Variants in PCDH9 observed in about 807,000 individuals in gnomAD.
PCDH9 encodes protocadherin-9.
A neutral mutation model predicts 70.6 loss-of-function variants in PCDH9; 24 were observed. The observed-to-expected ratio is 0.34, with a 90% confidence interval of 0.25 to 0.48. PCDH9 has a LOEUF of 0.48. Among genes scored for constraint, PCDH9 ranks in the 20% least tolerant of loss-of-function variants. PCDH9 has a pLI of 0.99. For missense variants in PCDH9, 1,281 were observed against 1,503.6 expected, an observed-to-expected ratio of 0.85 and a Z score of 2.45; for synonymous variants, 562 against 558.5, an observed-to-expected ratio of 1.01 and a Z score of -0.09.
chr13:67,105,451 T>A (rs1325846086), intron 2 of PCDH9, among the ~76,000 whole-genome samples: 1 of 152,116 alleles, frequency 6.6e-6, no homozygotes, highest in Non-Finnish European at 1.5e-5. Flanking sequence ...GGGTTATTCA[T>A]AGGAAAGTCC....
intron 4 of PCDH9, among the ~76,000 whole-genome samples, chr13:66,522,879 T>G (rs1309939096): frequency 6.6e-6 from 1 of 152,064 alleles, no homozygotes; most frequent in East Asian, 1.9e-4. Flanking sequence ...TGTTGTTTTT[T>G]TAACGTCACC....
chr13:66,666,915 T>C (rs981607219), intron 3 of PCDH9, among the ~76,000 whole-genome samples: 6 of 152,182 alleles, frequency 3.9e-5, no homozygotes. Context: ...ACCCTCCTCC[T>C]CTTTTATATT....
chr13:66,374,019 T>C (rs1179836978), intron 4 of PCDH9, among the ~76,000 whole-genome samples: 2 of 152,090 alleles, frequency 1.3e-5, no homozygotes, highest in African/African-American at 4.8e-5. Flanking sequence ...CCTTGATGGG[T>C]TTTGTGTAAA....
chr13:66,969,120 T>G (rs2083476038), intron 2 of PCDH9, among the ~76,000 whole-genome samples: 1 of 152,034 alleles, frequency 6.6e-6, no homozygotes, highest in African/African-American at 2.4e-5. Flanking sequence ...GTCAATCAAT[T>G]TTTTCAAAAT....
At chr13:66,994,041 G>A (rs1480646552) in intron 2 of PCDH9, among the ~76,000 whole-genome samples, 1 of 152,094 alleles carries the variant, frequency 6.6e-6, no homozygotes, top group Non-Finnish European at 1.5e-5. Flanking sequence ...CACTGATGTA[G>A]CCTAGTAATG....
At chr13:66,541,839 T>A (rs2138659049) in intron 4 of PCDH9, among the ~76,000 whole-genome samples, 1 of 152,308 alleles carries the variant, frequency 6.6e-6, no homozygotes, top group East Asian at 1.9e-4. Flanking sequence ...GAAAGAATTC[T>A]GAAAATGTGC....
At chr13:66,565,738 T>A (rs1350299639) in intron 4 of PCDH9, among the ~76,000 whole-genome samples, 3 of 152,152 alleles carry the variant, frequency 2.0e-5, no homozygotes, top group Non-Finnish European at 4.4e-5. Context: ...CTTAAGGAAA[T>A]TTACAGATAT....
At position 67,041,841 on chromosome 13, in the gene PCDH9, A is replaced by G. The variant is rs891238040; in HGVS notation, c.3037-138236T>C. Among the ~76,000 whole-genome samples the G allele has an allele frequency of 3.5e-3, 532 of 151,880 alleles. 3 individuals carry two copies. Among genetic ancestry groups the G allele is most frequent in the African/African-American group, 0.012 (482 of 41,432 alleles). Reference sequence around the variant, plus strand: ...GTGAGACTCTGTCTCAAAAAAAAAAAAAAAAAGAAAAAAGAAATACTGGCT... The same window carrying G: ...GTGAGACTCTGTCTCAAAAAAAAAAGAAAAAAGAAAAAAGAAATACTGGCT... On this transcript the variant is annotated intron_variant, in intron 2 of 4. Transcript: ENST00000377865.
intron 2 of PCDH9, among the ~76,000 whole-genome samples, chr13:67,101,712 TA>T (rs1298578401): frequency 6.6e-6 from 1 of 151,812 alleles, no homozygotes; most frequent in Non-Finnish European, 1.5e-5. Flanking sequence ...TCAGAGTGAA[TA>T]ATCTACTGAT....
chr13:66,950,494 AT>A lies in PCDH9; in HGVS notation c.3037-46890del, dbSNP rs755888144. Among the ~76,000 whole-genome samples the A allele has an allele frequency of 6.5e-3, 958 of 146,646 alleles. 11 individuals carry two copies. Among genetic ancestry groups the A allele is most frequent in the African/African-American group, 7.7e-3 (310 of 40,190 alleles). ...TCTTCATAAAAGATATATGTGTATG[AT>A]TTTTTTTTTTTAGTTTTAACATTCC... On this transcript the variant is annotated intron_variant, in intron 2 of 4. Transcript: ENST00000377865.
chr13:67,116,241 G>A (rs976290211), intron 2 of PCDH9, among the ~76,000 whole-genome samples: 2 of 151,956 alleles, frequency 1.3e-5, no homozygotes, highest in South Asian at 2.1e-4. Flanking sequence ...CTGGAAACAC[G>A]GCCACACAGA....
chr13:66,428,807 CA>C (rs1291103262), intron 4 of PCDH9, among the ~76,000 whole-genome samples: 7 of 151,512 alleles, frequency 4.6e-5, no homozygotes, highest in Non-Finnish European at 1.0e-4. Context: ...TTTAAATCAA[CA>C]AAAATGGAGC....
intron 3 of PCDH9, among the ~76,000 whole-genome samples, chr13:66,811,337 G>C (rs1221798605): frequency 6.6e-6 from 1 of 152,148 alleles, no homozygotes; most frequent in East Asian, 1.9e-4. Flanking sequence ...TGCTATTAAG[G>C]CCCTTGTGGT....
intron 4 of PCDH9, among the ~76,000 whole-genome samples, chr13:66,360,759 G>T (rs1247983891): frequency 5.3e-5 from 8 of 152,006 alleles, no homozygotes; most frequent in African/African-American, 1.9e-4. Context: ...TGGATTTCAA[G>T]GTGAATGGAA....
At chr13:66,777,739 C>G (rs1272782241) in intron 3 of PCDH9, among the ~76,000 whole-genome samples, 1 of 152,162 alleles carries the variant, frequency 6.6e-6, no homozygotes, top group South Asian at 2.1e-4. Context: ...CCTCACGGAT[C>G]TAGAACTAGA....
chr13:66,456,177 T>C (rs1958313264), intron 4 of PCDH9, among the ~76,000 whole-genome samples: 4 of 152,178 alleles, frequency 2.6e-5, no homozygotes, highest in Non-Finnish European at 5.9e-5. Flanking sequence ...AATATAATTA[T>C]CTGGAAAATT....
chr13:66,382,481 T>C (rs1956865621), intron 4 of PCDH9, among the ~76,000 whole-genome samples: 1 of 152,136 alleles, frequency 6.6e-6, no homozygotes, highest in African/African-American at 2.4e-5. Context: ...GCTATTGTCC[T>C]AGCTACTAAA....
intron 2 of PCDH9, among the ~76,000 whole-genome samples, chr13:66,917,359 C>T (rs2082572921): frequency 1.3e-5 from 2 of 151,540 alleles, no homozygotes; most frequent in South Asian, 4.1e-4. Context: ...CCATTTTTTA[C>T]CATCTTTGAG....
rs779361342 is a variant in PCDH9, at chr13:66,859,251, G to A, written c.3138+44253C>T. On this transcript the variant is annotated intron_variant, in intron 3 of 4. Transcript: ENST00000377865. ...AGACCTTTCTATTTGCGGGACACTCGAGACTCTACTCCACCACTGTTAACA... is the reference window on the plus strand; with the variant it reads ...AGACCTTTCTATTTGCGGGACACTCAAGACTCTACTCCACCACTGTTAACA... The A allele has an allele frequency of 3.3e-5, 5 of 152,128 alleles. No individual in the cohort carries two copies. In the East Asian group the frequency reaches 5.8e-4, roughly 18 times the overall value. 9.4% of individuals were successfully genotyped at this position (152,128 alleles called of 1,614,324 possible).
Sources: gnomAD v4.1 joint callset for allele counts (sites outside exome capture counted in the v4.1 genomes callset) on GRCh38, gnomAD v4.1.1 for gene constraint, MANE v1.5 for transcripts, NCBI Gene and HGNC (gene_info 2026-07-23, HGNC 2026-07-21) for gene names.